The following ZFHX3 variants were observed in gnomAD, a reference collection of about 807,000 sequenced individuals.
ZFHX3 encodes the protein zinc finger homeobox protein 3.
Under a neutral mutation model 279.1 loss-of-function variants are expected in ZFHX3, and 42 were observed. The ratio of observed to expected loss-of-function variants is 0.15; its 90% CI spans 0.12 to 0.19. The LOEUF is 0.19. Ranked by LOEUF, ZFHX3 falls within the 10% of genes least tolerant of loss-of-function variation. The pLI, the probability that ZFHX3 is intolerant of heterozygous loss-of-function variation, is 1.00. For synonymous variants in ZFHX3, 2,293 were observed against 1,957.8 expected (o/e 1.17, Z -4.52); for missense variants, 4,981 against 4,754.0 (o/e 1.05, Z -1.40).
rs565951683 is a variant in ZFHX3, at chr16:72,970,211, T to C, written c.-49-10017A>G. 4.4e-3 allele frequency among the ~76,000 whole-genome samples: 497 copies of C among 113,052 alleles called. 2 individuals carry two copies. The highest frequency in any genetic ancestry group is 0.017 in the African/African-American group (471 of 28,454). 74.2% of individuals were successfully genotyped at this position (113,052 alleles called of 152,430 possible). On this transcript the variant is annotated intron_variant, in intron 1 of 9. Transcript: ENST00000268489. Reference sequence around the variant, plus strand: ...GTGTACTTAGAGGAATTAAAAAAGATTTTTTTTTTTTTTACTATATATGTA... The same window carrying C: ...GTGTACTTAGAGGAATTAAAAAAGACTTTTTTTTTTTTTACTATATATGTA...
intron 5 of ZFHX3, among the ~76,000 whole-genome samples, chr16:73,214,041 C>T (rs890808662): frequency 6.6e-6 from 1 of 152,170 alleles, no homozygotes; most frequent in African/African-American, 2.4e-5. Context: ...ATGATTCAAT[C>T]GGTATTTATT....
intron 1 of ZFHX3, among the ~76,000 whole-genome samples, chr16:73,737,682 GAA>G (rs111421291): frequency 2.1e-5 from 3 of 143,236 alleles, no homozygotes; most frequent in African/African-American, 7.6e-5. Flanking sequence ...CGGGAAAAAG[GAA>G]AAAAAAAAAA....
At chr16:73,773,161 A>T (rs1275262130) in intron 1 of ZFHX3, among the ~76,000 whole-genome samples, 1 of 152,246 alleles carries the variant, frequency 6.6e-6, no homozygotes, top group African/African-American at 2.4e-5. Context: ...CCTGGGTTTC[A>T]CTAGCTACAT....
chr16:73,708,803 G>T (rs560982048), intron 1 of ZFHX3, among the ~76,000 whole-genome samples: 1 of 152,148 alleles, frequency 6.6e-6, no homozygotes, highest in Admixed American at 6.5e-5. Flanking sequence ...GGACAGGAGC[G>T]GGGGATGTAG....
intron 3 of ZFHX3, among the ~76,000 whole-genome samples, chr16:73,383,270 C>CCAGCAGCAGGAA (rs1240450564): frequency 6.6e-6 from 1 of 152,192 alleles, no homozygotes; most frequent in Non-Finnish European, 1.5e-5. Flanking sequence ...GGCCACCCAT[C>CCAGCAGCAGGAA]CAGCAGCAGG....
intron 3 of ZFHX3, among the ~76,000 whole-genome samples, chr16:73,391,633 A>G (rs2017014559): frequency 6.6e-6 from 1 of 152,168 alleles, no homozygotes; most frequent in Non-Finnish European, 1.5e-5. Context: ...AAAATTAAAT[A>G]GGATGCAGAA....
chr16:73,847,914 T>G (rs1321403217), intron 1 of ZFHX3, among the ~76,000 whole-genome samples: 11 of 144,606 alleles, frequency 7.6e-5, no homozygotes, highest in Admixed American at 3.5e-4. Context: ...GTTTTTTTTT[T>G]TTTTTTTTTT....
chr16:73,183,257 T>A (rs886790668), intron 5 of ZFHX3, among the ~76,000 whole-genome samples: 3 of 152,160 alleles, frequency 2.0e-5, no homozygotes, highest in Non-Finnish European at 4.4e-5. Context: ...ATTTGGGTGA[T>A]GCGGACACTA....
At chr16:73,755,717 G>T (rs1461576589) in intron 1 of ZFHX3, among the ~76,000 whole-genome samples, 2 of 152,198 alleles carry the variant, frequency 1.3e-5, no homozygotes, top group African/African-American at 4.8e-5. Flanking sequence ...GTGAAGAAAA[G>T]CAAGAGCTTG....
chr16:73,455,597 C>CCA (rs1407531247), intron 3 of ZFHX3, among the ~76,000 whole-genome samples: 17 of 152,262 alleles, frequency 1.1e-4, no homozygotes, highest in African/African-American at 3.9e-4. Flanking sequence ...AAGCTCCAAC[C>CCA]CATTCAAAGG....
intron 2 of ZFHX3, among the ~76,000 whole-genome samples, chr16:73,503,808 C>T (rs1597361146): frequency 1.3e-5 from 2 of 152,282 alleles, no homozygotes; most frequent in South Asian, 4.2e-4. Flanking sequence ...TCACAATTGG[C>T]ATTTTTTGGT....
intron 4 of ZFHX3, among the ~76,000 whole-genome samples, chr16:73,283,946 CT>C (rs2014522953): frequency 6.6e-6 from 1 of 151,736 alleles, no homozygotes. Context: ...GAGACCCTGT[CT>C]CAAAAAAGCC....
chr16:73,743,491 G>T (rs1286227625), intron 1 of ZFHX3, among the ~76,000 whole-genome samples: 2 of 152,090 alleles, frequency 1.3e-5, no homozygotes, highest in African/African-American at 2.4e-5. Flanking sequence ...AAGTCAAAAG[G>T]CTCTAACAAT....
At chr16:72,863,533 C>G (rs1473798916) in intron 4 of ZFHX3, among the ~76,000 whole-genome samples, 7 of 134,228 alleles carry the variant, frequency 5.2e-5, no homozygotes, top group African/African-American at 2.7e-4. Flanking sequence ...GAGACAGAGA[C>G]AGACAGAGAG....
At chr16:73,174,677 C>G (rs971906248) in intron 5 of ZFHX3, among the ~76,000 whole-genome samples, 3 of 151,946 alleles carry the variant, frequency 2.0e-5, no homozygotes, top group Admixed American at 2.0e-4. Context: ...TTCTCCTGCC[C>G]CATTGCAGTC....
intron 2 of ZFHX3, among the ~76,000 whole-genome samples, chr16:73,625,376 A>G (rs2052405258): frequency 6.6e-6 from 1 of 152,230 alleles, no homozygotes; most frequent in African/African-American, 2.4e-5. Flanking sequence ...GTTCATACTT[A>G]AGGAAGTTTA....
chr16:73,546,470 G>GTTGTT (rs1024142565), intron 2 of ZFHX3, among the ~76,000 whole-genome samples: 5 of 126,564 alleles, frequency 4.0e-5, no homozygotes, highest in African/African-American at 1.5e-4. Context: ...AGGGTCGGTA[G>GTTGTT]TTGTTTTGTT....
intron 2 of ZFHX3, among the ~76,000 whole-genome samples, chr16:73,604,061 C>G (rs1160603172): frequency 6.6e-6 from 1 of 151,870 alleles, no homozygotes; most frequent in Admixed American, 6.6e-5. Context: ...CAAGCATGAG[C>G]CACCAAGCCC....
At chr16:72,913,436 T>A (rs1242413045) in intron 3 of ZFHX3, among the ~76,000 whole-genome samples, 2 of 152,178 alleles carry the variant, frequency 1.3e-5, no homozygotes, top group Non-Finnish European at 2.9e-5. Context: ...GTTTGTCTGA[T>A]GTTTTCTCAC....
Sources: gnomAD v4.1 joint callset for allele counts (sites outside exome capture counted in the v4.1 genomes callset) on GRCh38, gnomAD v4.1.1 for gene constraint, MANE v1.5 for transcripts, NCBI Gene and HGNC (gene_info 2026-07-23, HGNC 2026-07-21) for gene names.